The following RANBP17 variants were observed in gnomAD, a reference collection of about 807,000 sequenced individuals.
The protein encoded by RANBP17 is RAN binding protein 17.
A neutral mutation model predicts 141.2 loss-of-function variants in RANBP17; 158 were observed. The observed-to-expected ratio is 1.12, with a 90% CI of 0.98 to 1.28. The LOEUF is 1.28. Ranked by LOEUF, RANBP17 falls within the 50% of genes most tolerant of loss-of-function variation. RANBP17 has a pLI of 0.00. For missense variants in RANBP17, 1,438 were observed against 1,290.7 expected (o/e 1.11, Z -1.75); for synonymous variants, 430 against 450.0 (o/e 0.96, Z 0.56).
chr5:171,071,067 G>C (rs810497), intron 14 of RANBP17, among the ~76,000 whole-genome samples: 92,854 of 151,832 alleles, frequency 0.61, 29,760 homozygotes, highest in South Asian at 0.88. Context: ...AAAAAAATTT[G>C]TATGAATTAC....
chr5:170,862,077 C>G, intron 1 of RANBP17, 26 bp downstream of exon 1: 6 of 1,444,940 alleles, frequency 4.2e-6, no homozygotes, highest in South Asian at 1.4e-5. Flanking sequence ...GCCGCGGGCC[C>G]GCGCTCCGCC....
At chr5:170,862,154 C>A in intron 1 of RANBP17, 103 bp downstream of exon 1, 1 of 1,226,018 alleles carries the variant, frequency 8.2e-7, no homozygotes, top group Non-Finnish European at 1.1e-6. Flanking sequence ...GGCCGCAGGG[C>A]CGTGGGCCGG....
chr5:170,869,339 T>TTTTG (rs1471849290), intron 1 of RANBP17, among the ~76,000 whole-genome samples: 1 of 151,622 alleles, frequency 6.6e-6, no homozygotes. Context: ...TTTTTTTTTT[T>TTTTG]TTGAGTTGGG....
At chr5:171,147,800 G>A (rs1021849324) in intron 14 of RANBP17, among the ~76,000 whole-genome samples, 29 of 152,122 alleles carry the variant, frequency 1.9e-4, no homozygotes, top group African/African-American at 6.3e-4. Flanking sequence ...CAGCCGCCCC[G>A]TCCGGGACGT....
intron 22 of RANBP17, among the ~76,000 whole-genome samples, chr5:171,223,487 T>C (rs1763695370): frequency 6.6e-6 from 1 of 151,992 alleles, no homozygotes; most frequent in Admixed American, 6.6e-5. Context: ...TACAAAAAAT[T>C]AGCCAGGCGT....
intron 13 of RANBP17, among the ~76,000 whole-genome samples, chr5:170,955,987 G>T (rs908159754): frequency 3.3e-5 from 5 of 150,756 alleles, no homozygotes; most frequent in African/African-American, 1.2e-4. Context: ...TATTTAGAAA[G>T]ATTTTTTTTC....
At chr5:171,158,580 CT>C (rs1220262949) in intron 14 of RANBP17, 4 of 172,584 alleles carry the variant, frequency 2.3e-5, no homozygotes, top group African/African-American at 9.6e-5. Flanking sequence ...GTACTGGTGG[CT>C]TTCCATTTGC....
rs573471660 is a variant in RANBP17, at chr5:171,290,141, G to A, written c.2944-3742G>A. Among the ~76,000 whole-genome samples the A allele has an allele frequency of 1.4e-4, 22 of 152,062 alleles. No individual in the cohort carries two copies. In the South Asian group the frequency reaches 4.6e-3, roughly 32 times the overall value. ...CCCAGCACTTTGGGAGGCGGAGGCA[G>A]GTGGATCACGAGGTCAGGAGTTCGA... On this transcript the variant is annotated intron_variant, in intron 25 of 27. Coordinates refer to ENST00000523189, the MANE Select transcript of RANBP17 (RefSeq NM_022897.5).
At chr5:171,000,549 T>C (rs1372860456) in intron 14 of RANBP17, among the ~76,000 whole-genome samples, 1 of 152,230 alleles carries the variant, frequency 6.6e-6, no homozygotes, top group African/African-American at 2.4e-5. Flanking sequence ...ATATTGACTA[T>C]TGAAATCTAC....
intron 14 of RANBP17, among the ~76,000 whole-genome samples, chr5:171,165,104 T>G (rs1254024258): frequency 1.3e-5 from 2 of 152,186 alleles, no homozygotes; most frequent in Admixed American, 1.3e-4. Flanking sequence ...CAGCATTTGT[T>G]GAGTAACTAT....
intron 24 of RANBP17, among the ~76,000 whole-genome samples, chr5:171,262,611 A>G (rs1489176685): frequency 2.6e-5 from 4 of 152,174 alleles, no homozygotes; most frequent in African/African-American, 9.7e-5. Flanking sequence ...TAGGGTATCC[A>G]TCACTGCAAA....
intron 12 of RANBP17, among the ~76,000 whole-genome samples, chr5:170,927,840 G>A (rs908813719): frequency 5.3e-5 from 8 of 152,024 alleles, no homozygotes; most frequent in South Asian, 2.1e-4. Flanking sequence ...AACATTTTTA[G>A]ACAAGTCTTT....
At chr5:170,950,424 G>A (rs967613539) in intron 12 of RANBP17, among the ~76,000 whole-genome samples, 6 of 151,936 alleles carry the variant, frequency 3.9e-5, no homozygotes, top group African/African-American at 1.2e-4. Context: ...GCAGTCAAAT[G>A]ACATGAATAG....
chr5:170,932,294 A>AATT lies in RANBP17; in HGVS notation c.1468+7745_1468+7746insTTA, dbSNP rs752464889. 6.2e-4 allele frequency among the ~76,000 whole-genome samples: 95 copies of AATT among 152,286 alleles called. No individual in the cohort carries two copies. In the East Asian group the frequency reaches 8.5e-3, roughly 14 times the overall value. ...CTTTGCTGAAGTTGCTTATCAGCTT[A>AATT]AGGAGATTTTGGGCTGAGACAGTGG... is the stretch of plus-strand genomic sequence containing the variant. On this transcript the variant is annotated intron_variant, in intron 12 of 27. Coordinates refer to ENST00000523189, the MANE Select transcript of RANBP17 (RefSeq NM_022897.5).
intron 19 of RANBP17, among the ~76,000 whole-genome samples, chr5:171,204,931 A>T (rs1175262574): frequency 2.0e-5 from 3 of 152,178 alleles, no homozygotes; most frequent in Non-Finnish European, 1.5e-5. Flanking sequence ...TAAAGCTGGG[A>T]TTCAAATTCG....
chr5:170,970,082 T>C (rs1214786562), intron 14 of RANBP17, among the ~76,000 whole-genome samples: 1 of 152,034 alleles, frequency 6.6e-6, no homozygotes, highest in African/African-American at 2.4e-5. Context: ...ATGCTAGCTT[T>C]ATTCCTTACA....
At chr5:171,101,921 C>A (rs938899924) in intron 14 of RANBP17, among the ~76,000 whole-genome samples, 1 of 152,092 alleles carries the variant, frequency 6.6e-6, no homozygotes, top group Non-Finnish European at 1.5e-5. Flanking sequence ...GAATGTTGGC[C>A]CCCACTCTCT....
chr5:170,929,051 A>G (rs1473826910), intron 12 of RANBP17, among the ~76,000 whole-genome samples: 4 of 152,098 alleles, frequency 2.6e-5, no homozygotes, highest in Non-Finnish European at 5.9e-5. Context: ...TTTCCTGATT[A>G]TTCTCTGCTA....
intron 1 of RANBP17, among the ~76,000 whole-genome samples, chr5:170,873,787 A>G (rs989797030): frequency 6.6e-6 from 1 of 152,160 alleles, no homozygotes; most frequent in African/African-American, 2.4e-5. Context: ...TTCTTATAAA[A>G]ACCAGCTCCT....
Sources: allele counts gnomAD v4.1 joint callset (sites outside exome capture counted in the v4.1 genomes callset), GRCh38; gene constraint gnomAD v4.1.1; transcripts MANE v1.5; gene names NCBI Gene and HGNC (gene_info 2026-07-23, HGNC 2026-07-21).